The following SPPL2A variants were observed in gnomAD, a reference collection of about 807,000 sequenced individuals.
The protein encoded by SPPL2A is signal peptide peptidase-like 2A.
A neutral mutation model predicts 63.8 loss-of-function variants in SPPL2A; 51 were observed. That is an observed-to-expected ratio of 0.80 (90% confidence interval 0.64 to 1.01). SPPL2A has a LOEUF of 1.01. Ranked by LOEUF, SPPL2A falls within the 50% of genes least tolerant of loss-of-function variation. SPPL2A has a pLI of 0.00. For missense variants in SPPL2A, 553 were observed against 622.7 expected (o/e 0.89, Z 1.19); for synonymous variants, 188 against 205.8 (o/e 0.91, Z 0.74).
chr15:50,755,026 A>C (rs142358547), intron 1 of SPPL2A, among the ~76,000 whole-genome samples: 2,116 of 151,680 alleles, frequency 0.014, 28 homozygotes, highest in Non-Finnish European at 0.017. Flanking sequence ...AACAAAAAAA[A>C]CGCAAATTCG....
rs2062499504 is a variant in SPPL2A at position 50,705,268 on chromosome 15, A to T, written c.*2532T>A. ...AGGCAGGAAAATTGCTTGAACCAGG[A>T]GGCAGAGGTTGTAGTGAGCCAAGAT... On this transcript the variant is annotated 3_prime_UTR_variant, in exon 15 of 15. Transcript: ENST00000261854. 6.6e-6 allele frequency: 1 copy of T among 151,186 alleles called. No homozygotes were observed. The highest frequency in any genetic ancestry group is 1.5e-5 in the Non-Finnish European group (1 of 67,936). The allele number at this position is 151,186 out of a possible 1,614,324, so 9.4% of individuals were successfully genotyped here.
intron 1 of SPPL2A, among the ~76,000 whole-genome samples, chr15:50,754,566 T>C (rs1167725070): frequency 6.6e-6 from 1 of 152,154 alleles, no homozygotes; most frequent in Non-Finnish European, 1.5e-5. Flanking sequence ...AATAAGGATG[T>C]TGAAAAAATA....
In SPPL2A at chr15:50,703,356, A is replaced by ATTTTTTTTTTTTT. The variant is rs61674724; in HGVS notation, c.*4431_*4443dup. ...TATATATATATATATACATATATAT[A>ATTTTTTTTTTTTT]TTTTTTTTTTTTTTTTTTTTTTTTG... On this transcript the variant is annotated 3_prime_UTR_variant, in exon 15 of 15. Transcript: ENST00000261854. 1.9e-4 allele frequency: 12 copies of ATTTTTTTTTTTTT among 62,042 alleles called. 1 individual carries two copies. The highest frequency in any genetic ancestry group is 5.2e-4 in the East Asian group (1 of 1,916). 3.8% of individuals were successfully genotyped at this position (62,042 alleles called of 1,614,324 possible).
At chr15:50,736,065 C>T (rs1480091746) in intron 8 of SPPL2A, 36 bp downstream of exon 8, 8 of 1,322,426 alleles carry the variant, frequency 6.0e-6, no homozygotes, top group Non-Finnish European at 2.2e-6. Context: ...AACAATTCAT[C>T]CTTAATCTAA....
At position 50,754,470 on chromosome 15, in the gene SPPL2A, T is replaced by C. The variant is rs537641010; in HGVS notation, c.67-4724A>G. Among the ~76,000 whole-genome samples, 9 of 152,360 alleles carry C rather than the reference T, an allele frequency of 5.9e-5. No homozygotes were observed. The East Asian group carries it at 1.5e-3, about 26-fold the overall frequency. On this transcript the variant is annotated intron_variant, in intron 1 of 14. Coordinates refer to ENST00000261854, the MANE Select transcript of SPPL2A (RefSeq NM_032802.4). ...AATGTTATAAAATTGGCTGTGGTGA[T>C]AGTTGCACGTATCTGTGAATATACT...
At chr15:50,731,153 A>G (rs2062727549) in intron 9 of SPPL2A, 114 bp from the exon 10 acceptor site, 1 of 536,566 alleles carries the variant, frequency 1.9e-6, no homozygotes, top group African/African-American at 2.0e-5. Flanking sequence ...TATTACTTTT[A>G]AAAAGATATC....
At chr15:50,756,161 C>T (rs577890756) in intron 1 of SPPL2A, among the ~76,000 whole-genome samples, 1 of 151,208 alleles carries the variant, frequency 6.6e-6, no homozygotes, top group African/African-American at 2.4e-5. Context: ...GAGATCAAGA[C>T]CATCCTGGCT....
intron 6 of SPPL2A, among the ~76,000 whole-genome samples, chr15:50,737,461 T>G (rs1379119376): frequency 2.6e-5 from 4 of 151,062 alleles, no homozygotes; most frequent in African/African-American, 9.7e-5. Flanking sequence ...ACAAAATGAG[T>G]TTTTTTTTTG....
At chr15:50,759,657 G>A (rs1235222102) in intron 1 of SPPL2A, among the ~76,000 whole-genome samples, 1 of 152,064 alleles carries the variant, frequency 6.6e-6, no homozygotes, top group East Asian at 1.9e-4. Context: ...GCAGGAGAAT[G>A]GCGTGAAGCC....
intron 14 of SPPL2A, among the ~76,000 whole-genome samples, chr15:50,709,072 C>A (rs1240787015): frequency 6.6e-6 from 1 of 151,836 alleles, no homozygotes; most frequent in Non-Finnish European, 1.5e-5. Flanking sequence ...AAACTTTTCT[C>A]AAATGGTCAC....
chr15:50,712,679 C>CCT (rs35199045), intron 14 of SPPL2A, among the ~76,000 whole-genome samples: 6,444 of 102,674 alleles, frequency 0.063, 357 homozygotes, highest in South Asian at 0.1. Context: ...CTCCCCCCCC[C>CCT]TTTTTTTTTT....
chr15:50,711,210 T>C (rs1189583784), intron 14 of SPPL2A, among the ~76,000 whole-genome samples: 1 of 150,432 alleles, frequency 6.6e-6, no homozygotes, highest in Non-Finnish European at 1.5e-5. Context: ...AGTATCCTTT[T>C]TTTTTTTTTT....
In SPPL2A at chr15:50,748,684, T is replaced by A; in HGVS notation, c.360+4A>T. The A allele has an allele frequency of 6.5e-7, 1 of 1,548,006 alleles. No homozygotes were observed. The highest frequency in any genetic ancestry group is 2.4e-5 in the East Asian group (1 of 42,202). On this transcript the variant is annotated splice_donor_region_variant and intron_variant, in intron 3 of 14. Transcript: ENST00000261854. ...AATAAGATATGATTGTTTTTATAAC[T>A]TACTAGGACACTGTTATTGACAACT...
chr15:50,739,312 G>A (rs1017401786), intron 6 of SPPL2A, among the ~76,000 whole-genome samples: 2 of 151,480 alleles, frequency 1.3e-5, no homozygotes, highest in Non-Finnish European at 2.9e-5. Flanking sequence ...TCAAGTAGTT[G>A]GGATTACAGG....
intron 12 of SPPL2A, among the ~76,000 whole-genome samples, chr15:50,723,677 T>A (rs1220939298): frequency 6.6e-6 from 1 of 152,170 alleles, no homozygotes; most frequent in Non-Finnish European, 1.5e-5. Flanking sequence ...GGTTTCACCA[T>A]GTTGGCCAGG....
rs1448167918 is a variant in SPPL2A at position 50,718,385 on chromosome 15, T to G, written c.1488+1555A>C. Among the ~76,000 whole-genome samples the G allele has an allele frequency of 3.3e-5, 5 of 152,146 alleles. No homozygotes were observed. In the East Asian group the frequency reaches 9.6e-4, roughly 29 times the overall value. Reference sequence around the variant, plus strand: ...TCTCATAGAATCACTCATAAACATTTGCTAAATGAAGAAATATAAAACCAT... The same window carrying G: ...TCTCATAGAATCACTCATAAACATTGGCTAAATGAAGAAATATAAAACCAT... On this transcript the variant is annotated intron_variant, in intron 14 of 14. Transcript: ENST00000261854.
intron 12 of SPPL2A, among the ~76,000 whole-genome samples, chr15:50,723,208 G>A (rs1331207402): frequency 6.6e-6 from 1 of 152,178 alleles, no homozygotes; most frequent in African/African-American, 2.4e-5. Flanking sequence ...ATTGCTTATG[G>A]GAATGTAAAT....
At chr15:50,723,081 C>G (rs1400413798) in intron 12 of SPPL2A, among the ~76,000 whole-genome samples, 2 of 152,102 alleles carry the variant, frequency 1.3e-5, no homozygotes, top group African/African-American at 4.8e-5. Context: ...CACTAATCAT[C>G]AGAAAAATGC....
At chr15:50,747,383 C>G (rs1408486431) in intron 5 of SPPL2A, 112 bp downstream of exon 5, 2 of 862,280 alleles carry the variant, frequency 2.3e-6, no homozygotes, top group East Asian at 2.5e-5. Flanking sequence ...ACTGGGCTTA[C>G]TGGCATCATA....
Sources: allele counts gnomAD v4.1 joint callset (sites outside exome capture counted in the v4.1 genomes callset), GRCh38; gene constraint gnomAD v4.1.1; transcripts MANE v1.5; gene names NCBI Gene and HGNC (gene_info 2026-07-23, HGNC 2026-07-21).